Variants in THBS4 observed in about 807,000 individuals in gnomAD.
THBS4 encodes the protein thrombospondin-4.
In THBS4, 90 loss-of-function variants were observed where a neutral mutation model predicts 115.7. The ratio of observed to expected loss-of-function variants is 0.78; its 90% CI spans 0.66 to 0.93. THBS4 has a LOEUF of 0.93. Ranked by LOEUF, THBS4 falls within the 40% of genes least tolerant of loss-of-function variation. The probability of loss-of-function intolerance (pLI) is 0.00; values close to 1 mark genes in which losing one functional copy is unlikely to be tolerated. For missense variants in THBS4, 1,087 were observed against 1,232.7 expected (o/e 0.88, Z 1.77); for synonymous variants, 460 against 479.3 (o/e 0.96, Z 0.53).
chr5:80,035,850 G>T lies in THBS4; in HGVS notation c.88+225G>T, dbSNP rs1007523884. Among the ~76,000 whole-genome samples the T allele has an allele frequency of 6.6e-6, 1 of 152,192 alleles. No individual in the cohort carries two copies. Among genetic ancestry groups the T allele is most frequent in the South Asian group, 2.1e-4 (1 of 4,834 alleles). On this transcript the variant is annotated intron_variant, in intron 1 of 21. Transcript: ENST00000350881. This position sits in a 1 kb window ranked among gnomAD's most constrained non-coding sequence, Gnocchi z 4.6. ...AGAACAATTGCCTAAATAGTTGGGGGATGCAAAATTGTTTCAGACTATGCA... is the reference window on the plus strand; with the variant it reads ...AGAACAATTGCCTAAATAGTTGGGGTATGCAAAATTGTTTCAGACTATGCA...
chr5:80,000,043 A>G (rs1445260532), intron 2 of THBS4, among the ~76,000 whole-genome samples: 1 of 152,220 alleles, frequency 6.6e-6, no homozygotes, highest in African/African-American at 2.4e-5. Context: ...CATTAAAATC[A>G]ACCCAAGAAG....
Position 80,035,640 on chromosome 5 carries a change from G to C in THBS4, c.88+15G>C. On this transcript the variant is annotated intron_variant, in intron 1 of 21. Coordinates refer to ENST00000350881, the MANE Select transcript of THBS4 (RefSeq NM_003248.6). This position sits in a 1 kb window ranked among gnomAD's most constrained non-coding sequence, Gnocchi z 4.6. ...CACCCCCCAGGGTAAGTGGGTTCGG[G>C]TCGGGCCTGGGAGCGCCGGGCACCG... 3 of 1,333,914 alleles carry C rather than the reference G, an allele frequency of 2.2e-6. No individual in the cohort carries two copies. The highest frequency in any genetic ancestry group is 2.9e-6 in the Non-Finnish European group (3 of 1,040,526). 82.6% of individuals were successfully genotyped at this position (1,333,914 alleles called of 1,614,324 possible).
At chr5:80,008,761 A>T (rs907441356) in intron 2 of THBS4, among the ~76,000 whole-genome samples, 1 of 152,214 alleles carries the variant, frequency 6.6e-6, no homozygotes, top group African/African-American at 2.4e-5. Context: ...AGATGCCAGT[A>T]GCATACCCTG....
chr5:80,032,638 A>C (rs1832607403), upstream of THBS4, among the ~76,000 whole-genome samples: 1 of 152,198 alleles, frequency 6.6e-6, no homozygotes, highest in African/African-American at 2.4e-5. Flanking sequence ...AAGAGTCCAA[A>C]AGCTGAAGAA....
At chr5:80,019,774 C>T (rs1025061860) in intron 2 of THBS4, 3 of 180,048 alleles carry the variant, frequency 1.7e-5, no homozygotes, top group Admixed American at 1.6e-4. Flanking sequence ...GTCAAGCTAA[C>T]CAAGAGTCTG....
chr5:80,048,632 ATGTGTGTGTGTGTGTGTG>A (rs56183875), intron 2 of THBS4, among the ~76,000 whole-genome samples: 4 of 147,274 alleles, frequency 2.7e-5, no homozygotes, highest in Non-Finnish European at 6.0e-5. Flanking sequence ...CACTAGATAG[ATGTGTGTGTGTGTGTGTG>A]TGTGTGTGTG....
rs1832844559 is a variant in THBS4, at chr5:80,040,067, T to G, written c.89-10T>G. The G allele has an allele frequency of 1.9e-6, 3 of 1,613,668 alleles. No homozygotes were observed. Among genetic ancestry groups the G allele is most frequent in the Admixed American group, 3.3e-5 (2 of 59,990 alleles). The stretch of plus-strand genomic sequence containing the variant: ...TTTCACTTATACCCCTTCTTCTCCC[T>G]TCTTCCCAGTCTTTGACCTTCTCCC... On this transcript the variant is annotated splice_polypyrimidine_tract_variant and intron_variant, in intron 1 of 21. Coordinates refer to ENST00000350881, the MANE Select transcript of THBS4 (RefSeq NM_003248.6).
chr5:80,021,211 A>C (rs1832366382), intron 2 of THBS4, among the ~76,000 whole-genome samples: 1 of 152,176 alleles, frequency 6.6e-6, no homozygotes, highest in South Asian at 2.1e-4. Context: ...GGGTTCACGA[A>C]GTTCTCCCTC....
intron 10 of THBS4, among the ~76,000 whole-genome samples, 171 bp from the exon 11 acceptor site, chr5:80,070,135 C>A (rs1833980319): frequency 6.6e-6 from 1 of 151,980 alleles, no homozygotes; most frequent in African/African-American, 2.4e-5. Context: ...GAATAGTGAA[C>A]CATTACACTA....
At chr5:80,065,328 T>C in intron 8 of THBS4, 81 bp from the exon 9 acceptor site, 4 of 1,304,486 alleles carry the variant, frequency 3.1e-6, no homozygotes, top group African/African-American at 1.5e-5. Flanking sequence ...CACACAAAGA[T>C]AGCAAAACAA....
chr5:80,067,974 G>A lies in THBS4; in HGVS notation c.1196G>A (p.Gly399Glu). Residue 399 changes from glycine to glutamate, a missense_variant and splice_region_variant, in exon 10 of 22, where the codon GGA (glycine) becomes GAA (glutamate). Gly to Glu is a moderately conservative substitution (Grantham distance 98). Transcript: ENST00000350881. ...VPNSICVNTL[G>E]SYRCGPCKPG... ...TCACCTGATCTTTGTTCCTTGCAGG[G>A]ATCTTACCGCTGTGGGCCTTGTAAG... 1 of 1,613,990 alleles carries A rather than the reference G, an allele frequency of 6.2e-7. No homozygotes were observed. The highest frequency in any genetic ancestry group is 8.5e-7 in the Non-Finnish European group (1 of 1,179,956).
intron 15 of THBS4, chr5:80,075,092 C>A (rs964310518): frequency 2.0e-5 from 3 of 152,154 alleles, no homozygotes; most frequent in Admixed American, 2.0e-4. Flanking sequence ...TTACTTAATA[C>A]CTAATACAAT....
rs756395381 is a variant in THBS4, at chr5:80,083,055, C to T, written c.2825-25C>T. ...CCGGGGTGGAAGGAGCCTCGCTAAC[C>T]TCCCTGTGCCCATTCCTATTGCAGA... is the stretch of plus-strand genomic sequence containing the variant. On this transcript the variant is annotated intron_variant, in intron 21 of 21. Transcript: ENST00000350881. 5 of 1,609,954 alleles carry T rather than the reference C, an allele frequency of 3.1e-6. No homozygotes were observed. The African/African-American group carries it at 5.3e-5, about 17-fold the overall frequency.
Position 80,079,151 on chromosome 5 carries a change from T to C in THBS4, c.2404T>C (p.Tyr802His), listed in dbSNP as rs1743366694. 8.7e-6 allele frequency: 14 copies of C among 1,614,110 alleles called. No homozygotes were observed. The East Asian group carries it at 3.1e-4, about 36-fold the overall frequency. ...DDDYAGFIFG[Y>H]QDSSSFYVVM... The stretch of plus-strand genomic sequence containing the variant: ...TGACTATGCAGGCTTTATCTTTGGC[T>C]ACCAAGATAGCTCCAGCTTCTACGT... Residue 802 changes from tyrosine (Y) to histidine (H), a missense_variant, in exon 19 of 22, where the codon TAC becomes CAC. This residue lies in a region of THBS4 where 979 missense variants were observed against 1,103.7 expected (regional missense o/e 0.89). Coordinates refer to ENST00000350881, the MANE Select transcript of THBS4 (RefSeq NM_003248.6).
intron 2 of THBS4, among the ~76,000 whole-genome samples, chr5:80,023,033 G>A (rs1231236936): frequency 6.6e-6 from 1 of 151,996 alleles, no homozygotes; most frequent in African/African-American, 2.4e-5. Context: ...AAGAACACCA[G>A]CCTCAATTAT....
At chr5:80,004,325 A>G (rs1167898345) in intron 2 of THBS4, among the ~76,000 whole-genome samples, 1 of 152,222 alleles carries the variant, frequency 6.6e-6, no homozygotes, top group Non-Finnish European at 1.5e-5. Flanking sequence ...CCAGCACCAC[A>G]TTGGACTGGC....
At chr5:80,003,697 C>G (rs1181042173) in intron 2 of THBS4, among the ~76,000 whole-genome samples, 2 of 152,252 alleles carry the variant, frequency 1.3e-5, no homozygotes, top group Non-Finnish European at 2.9e-5. Flanking sequence ...AAACTACTCC[C>G]CTTTGGGGAC....
intron 2 of THBS4, among the ~76,000 whole-genome samples, chr5:80,014,520 T>C (rs1832209565): frequency 6.6e-6 from 1 of 152,200 alleles, no homozygotes; most frequent in Non-Finnish European, 1.5e-5. Flanking sequence ...CAGATATCTC[T>C]TAGGCTCAGC....
At chr5:80,018,388 A>ATTT (rs1832290602) in intron 2 of THBS4, among the ~76,000 whole-genome samples, 1 of 122,392 alleles carries the variant, frequency 8.2e-6, no homozygotes, top group African/African-American at 3.5e-5. Context: ...GTTCAAATAT[A>ATTT]CTTTTTTTTT....
Sources: allele counts gnomAD v4.1 joint callset (sites outside exome capture counted in the v4.1 genomes callset), GRCh38; gene constraint gnomAD v4.1.1; regional missense constraint gnomAD v4.1.1; non-coding constraint Gnocchi (gnomAD v3.1); transcripts MANE v1.5; gene names NCBI Gene and HGNC (gene_info 2026-07-23, HGNC 2026-07-21).